Variants in CTTNBP2 observed in about 807,000 individuals in gnomAD.
CTTNBP2 encodes the protein cortactin-binding protein 2.
Under a neutral mutation model 156.9 loss-of-function variants are expected in CTTNBP2, and 108 were observed. That is an observed-to-expected ratio of 0.69 (90% CI 0.59 to 0.81). The LOEUF is 0.81. Among genes scored for constraint, CTTNBP2 ranks in the 30% least tolerant of loss-of-function variants. The pLI is 0.00. For synonymous variants in CTTNBP2, 767 were observed against 751.8 expected, an observed-to-expected ratio of 1.02 and a Z score of -0.33; for missense variants, 1,924 against 2,035.4, an observed-to-expected ratio of 0.95 and a Z score of 1.05.
intron 2 of CTTNBP2, among the ~76,000 whole-genome samples, chr7:117,811,217 T>C (rs374296744): frequency 2.6e-5 from 4 of 152,256 alleles, no homozygotes; most frequent in South Asian, 4.1e-4. Context: ...GAATTTTACA[T>C]TACAAATGAT....
chr7:117,723,352 A>C (rs1794908020), intron 19 of CTTNBP2, among the ~76,000 whole-genome samples: 1 of 151,924 alleles, frequency 6.6e-6, no homozygotes, highest in Non-Finnish European at 1.5e-5. Flanking sequence ...AAATGAAAAT[A>C]TACTCATAAC....
At chr7:117,789,359 A>C (rs1237142168) in intron 4 of CTTNBP2, among the ~76,000 whole-genome samples, 1 of 152,154 alleles carries the variant, frequency 6.6e-6, no homozygotes, top group African/African-American at 2.4e-5. Context: ...TCTATATCCT[A>C]GGAAGTGTTT....
chr7:117,864,677 T>TGA (rs1491334169), intron 1 of CTTNBP2, among the ~76,000 whole-genome samples: 1 of 141,732 alleles, frequency 7.1e-6, no homozygotes. Context: ...TATTCATATA[T>TGA]TTATATATAT....
intron 17 of CTTNBP2, among the ~76,000 whole-genome samples, chr7:117,726,463 G>A (rs1244826175): frequency 3.3e-5 from 5 of 152,194 alleles, no homozygotes; most frequent in African/African-American, 9.6e-5. Flanking sequence ...AAGTGCTGAA[G>A]TATAAATATG....
At chr7:117,850,825 T>C (rs1456917722) in intron 2 of CTTNBP2, among the ~76,000 whole-genome samples, 1 of 152,226 alleles carries the variant, frequency 6.6e-6, no homozygotes, top group Non-Finnish European at 1.5e-5. Flanking sequence ...TGGTTAGTGT[T>C]CTTTACTAGA....
At chr7:117,805,686 A>AT (rs368461158) in intron 3 of CTTNBP2, among the ~76,000 whole-genome samples, 2 of 151,994 alleles carry the variant, frequency 1.3e-5, no homozygotes, top group African/African-American at 4.8e-5. Context: ...TCTTTCCTAT[A>AT]TTTTTTCCTA....
chr7:117,866,466 C>T (rs532059739), intron 1 of CTTNBP2, among the ~76,000 whole-genome samples: 1 of 152,286 alleles, frequency 6.6e-6, no homozygotes, highest in African/African-American at 2.4e-5. Context: ...AACTCAGGCA[C>T]TTTCTCTGGC....
At chr7:117,852,090 T>C (rs1049758645) in intron 2 of CTTNBP2, among the ~76,000 whole-genome samples, 2 of 152,274 alleles carry the variant, frequency 1.3e-5, no homozygotes, top group East Asian at 1.9e-4. Flanking sequence ...TTACTTAAAA[T>C]ACTGAACTCT....
intron 9 of CTTNBP2, among the ~76,000 whole-genome samples, 166 bp downstream of exon 9, chr7:117,766,893 C>T (rs534241724): frequency 1.1e-4 from 16 of 152,272 alleles, no homozygotes; most frequent in South Asian, 2.1e-4. Flanking sequence ...TCATTCTACA[C>T]GGAAAAATAG....
intron 2 of CTTNBP2, among the ~76,000 whole-genome samples, chr7:117,849,030 G>A (rs1165933684): frequency 1.3e-5 from 2 of 152,178 alleles, no homozygotes; most frequent in Non-Finnish European, 2.9e-5. Context: ...TTTCCAGGCT[G>A]AGTCACTTTG....
chr7:117,828,546 T>C (rs1031764469), intron 2 of CTTNBP2, among the ~76,000 whole-genome samples: 5 of 152,198 alleles, frequency 3.3e-5, no homozygotes, highest in African/African-American at 1.2e-4. Flanking sequence ...TCCTTCATTG[T>C]AGGTAATGTA....
At chr7:117,811,333 C>T (rs1800268736) in intron 2 of CTTNBP2, among the ~76,000 whole-genome samples, 1 of 152,028 alleles carries the variant, frequency 6.6e-6, no homozygotes, top group South Asian at 2.1e-4. Context: ...CAGGGTCTTG[C>T]TCTGTCATCC....
chr7:117,836,695 AC>A (rs1801968831), intron 2 of CTTNBP2, among the ~76,000 whole-genome samples: 2 of 152,174 alleles, frequency 1.3e-5, no homozygotes, highest in South Asian at 4.1e-4. Flanking sequence ...ATAAAAACAT[AC>A]CCGACATTGG....
At chr7:117,851,536 G>A (rs1284990821) in intron 2 of CTTNBP2, among the ~76,000 whole-genome samples, 1 of 152,096 alleles carries the variant, frequency 6.6e-6, no homozygotes. Flanking sequence ...AGTGGTTAAC[G>A]TAATCTCCCT....
chr7:117,788,633 T>A (rs1267120869), intron 4 of CTTNBP2, among the ~76,000 whole-genome samples: 1 of 152,132 alleles, frequency 6.6e-6, no homozygotes, highest in East Asian at 1.9e-4. Flanking sequence ...ATAGGGGCAA[T>A]CTAAATGCAA....
At chr7:117,753,852 A>G (rs1054436556) in intron 12 of CTTNBP2, among the ~76,000 whole-genome samples, 2 of 152,158 alleles carry the variant, frequency 1.3e-5, no homozygotes, top group Admixed American at 1.3e-4. Context: ...TGTGTAGCAA[A>G]CCACCATGGC....
rs78170024 is a variant in CTTNBP2, at chr7:117,793,708, C to T, written c.415-927G>A. 2.2e-3 allele frequency: 332 copies of T among 152,356 alleles called. 1 individual carries two copies. The highest frequency in any genetic ancestry group is 7.6e-3 in the African/African-American group (314 of 41,578). 9.4% of individuals were successfully genotyped at this position (152,356 alleles called of 1,614,324 possible). ...GGGTGCCTTTTCCTTCACAGAAAGG[C>T]ACTGTCTGTTCACCAAGCCATAGGC... On this transcript the variant is annotated intron_variant, in intron 3 of 22. Coordinates refer to ENST00000160373, the MANE Select transcript of CTTNBP2 (RefSeq NM_033427.3).
At chr7:117,835,351 G>A (rs1051688596) in intron 2 of CTTNBP2, among the ~76,000 whole-genome samples, 3 of 152,220 alleles carry the variant, frequency 2.0e-5, no homozygotes, top group African/African-American at 4.8e-5. Context: ...TCTGTATGTA[G>A]TGAACTGTGA....
At chr7:117,821,364 G>GT (rs1800956752) in intron 2 of CTTNBP2, among the ~76,000 whole-genome samples, 1 of 150,878 alleles carries the variant, frequency 6.6e-6, no homozygotes, top group South Asian at 2.1e-4. Flanking sequence ...TTTTCTTTTT[G>GT]TTTTTTGTTT....
Sources: gnomAD v4.1 joint callset for allele counts (sites outside exome capture counted in the v4.1 genomes callset) on GRCh38, gnomAD v4.1.1 for gene constraint, MANE v1.5 for transcripts, NCBI Gene and HGNC (gene_info 2026-07-23, HGNC 2026-07-21) for gene names.